MYH11: variants seen among roughly 807,000 people sequenced by gnomAD.
MYH11 encodes the protein myosin heavy chain 11, also known as myosin-11.
Under a neutral mutation model 246.6 loss-of-function variants are expected in MYH11, and 80 were observed. That is an observed-to-expected ratio of 0.32 (90% confidence interval 0.27 to 0.39). The LOEUF (loss-of-function observed/expected upper bound fraction) is 0.39, where lower values mean the gene tolerates loss of function less well. MYH11 is among the 10% of genes least tolerant of loss of function. The pLI is 1.00. For synonymous variants in MYH11, 1,071 were observed against 1,015.5 expected (o/e 1.05, Z -1.04); for missense variants, 2,158 against 2,546.8 (o/e 0.85, Z 3.29).
At chr16:15,766,269 A>T (rs540587596) in intron 9 of MYH11, among the ~76,000 whole-genome samples, 226 of 151,998 alleles carry the variant, frequency 1.5e-3, no homozygotes, top group African/African-American at 5.2e-3. Flanking sequence ...ATATAAGCCA[A>T]GTGTTGCTGG....
intron 23 of MYH11, among the ~76,000 whole-genome samples, chr16:15,739,344 A>T (rs927361421): frequency 2.6e-5 from 4 of 152,074 alleles, no homozygotes; most frequent in African/African-American, 9.7e-5. Context: ...CAGGTAATCC[A>T]CTTGCCTCAG....
chr16:15,775,949 A>G, intron 8 of MYH11, 129 bp downstream of exon 8: 1 of 785,070 alleles, frequency 1.3e-6, no homozygotes, highest in Non-Finnish European at 2.3e-6. Context: ...AACTGTTCAT[A>G]TGTCACTCAC....
chr16:15,759,617 A>G lies in MYH11; in HGVS notation c.1360T>C (p.Phe454Leu). The change falls in exon 12 of 41, where the codon TTC (phenylalanine) becomes CTC (leucine). Residue 454 changes from phenylalanine (F) to leucine (L), a missense_variant. Physicochemically the swap from Phe to Leu is conservative, Grantham distance 22 (BLOSUM62 0). Transcript: ENST00000300036. ...LDKTHRQGAS[F>L]LGILDIAGFE... ...CCAGCTATATCCAGGATCCCCAGGA[A>G]GGAAGCCCCTTGCCGATGGGTCTTG... 5 of 1,614,226 alleles carry G rather than the reference A, an allele frequency of 3.1e-6. No individual in the cohort carries two copies. Among genetic ancestry groups the G allele is most frequent in the Non-Finnish European group, 4.2e-6 (5 of 1,180,036 alleles).
chr16:15,769,316 C>CAAAA (rs748827732), intron 9 of MYH11, among the ~76,000 whole-genome samples: 14 of 152,200 alleles, frequency 9.2e-5, no homozygotes, highest in Non-Finnish European at 1.9e-4. Context: ...GCCTCCATCT[C>CAAAA]AAACAAAACA....
chr16:15,763,144 A>T lies in MYH11; in HGVS notation c.1129+652T>A, dbSNP rs149081872. Among the ~76,000 whole-genome samples, 786 of 152,284 alleles carry T rather than the reference A, an allele frequency of 5.2e-3. 7 individuals carry two copies. The highest frequency in any genetic ancestry group is 0.018 in the African/African-American group (744 of 41,550). The stretch of plus-strand genomic sequence containing the variant: ...GTTACAAGGGACATAATTAAAATTT[A>T]AAAAAAGGTTTGTTGTTTACCTAAA... On this transcript the variant is annotated intron_variant, in intron 10 of 40. Transcript: ENST00000300036.
intron 36 of MYH11, 31 bp from the exon 37 acceptor site, chr16:15,718,469 C>T (rs1199324252): frequency 5.2e-6 from 8 of 1,540,422 alleles, no homozygotes; most frequent in Non-Finnish European, 7.0e-6. Context: ...GTGGGGGCCT[C>T]TACCCTCCCC....
intron 23 of MYH11, among the ~76,000 whole-genome samples, chr16:15,739,102 T>TTC (rs2151246585): frequency 6.6e-6 from 1 of 150,964 alleles, no homozygotes; most frequent in African/African-American, 2.5e-5. Context: ...CACTGCTGTA[T>TTC]TCTTTTTTTT....
intron 4 of MYH11, 78 bp from the exon 5 acceptor site, chr16:15,786,810 T>A (rs1217935092): frequency 2.4e-6 from 3 of 1,270,464 alleles, no homozygotes; most frequent in Non-Finnish European, 3.4e-6. Flanking sequence ...GGCAGGACAA[T>A]AATGATCATC....
chr16:15,757,665 AGAG>A (rs2041763788), intron 13 of MYH11, among the ~76,000 whole-genome samples, 159 bp downstream of exon 13: 1 of 152,162 alleles, frequency 6.6e-6, no homozygotes, highest in South Asian at 2.1e-4. Context: ...GGAAATTGTA[AGAG>A]TTCACAAGGA....
At chr16:15,753,332 G>A (rs1044644722) in intron 15 of MYH11, 62 bp downstream of exon 15, 2 of 1,447,828 alleles carry the variant, frequency 1.4e-6, no homozygotes, top group Non-Finnish European at 1.9e-6. Flanking sequence ...AGAGTCGGGG[G>A]ACTTGGGTGT....
chr16:15,754,800 G>T (rs781452477), intron 14 of MYH11, among the ~76,000 whole-genome samples: 1 of 152,156 alleles, frequency 6.6e-6, no homozygotes, highest in African/African-American at 2.4e-5. Flanking sequence ...AGTAGCTGAG[G>T]TTACAGTTGT....
At chr16:15,771,811 T>C in intron 8 of MYH11, 99 bp from the exon 9 acceptor site, 2 of 1,486,844 alleles carry the variant, frequency 1.3e-6, no homozygotes, top group Non-Finnish European at 1.9e-6. Context: ...CATAATTCCT[T>C]TCCCTTTATC....
At position 15,756,452 on chromosome 16, in the gene MYH11, G is replaced by C; in HGVS notation, c.1638C>G (p.Asp546Glu). 1 of 1,614,168 alleles carries C rather than the reference G, an allele frequency of 6.2e-7. No homozygotes were observed. Among genetic ancestry groups the C allele is most frequent in the South Asian group, 1.1e-5 (1 of 91,078 alleles). ...DEECWFPKATDKSFVEKLCTE... is the reference protein window; with the variant it reads ...DEECWFPKATEKSFVEKLCTE... ...TGCACAGCTTCTCCACGAAAGACTT[G>C]TCCGTGGCTTTGGGGAACCAGCATT... The change falls in exon 14 of 41, where the codon GAC becomes GAG. Residue 546 changes from aspartate (D) to glutamate (E), a missense_variant. Physicochemically the swap from Asp to Glu is conservative, Grantham distance 45. Coordinates refer to ENST00000300036, the MANE Select transcript of MYH11 (RefSeq NM_002474.3).
At position 15,721,405 on chromosome 16, in the gene MYH11, C is replaced by T. The variant is rs377102814; in HGVS notation, c.4578+17G>A. 8.7e-6 allele frequency: 14 copies of T among 1,613,956 alleles called. 1 individual carries two copies. The highest frequency in any genetic ancestry group is 1.2e-5 in the Non-Finnish European group (14 of 1,179,928). ...CAGGCGAAACATGGACGAGAAAAAC[C>T]ACCCAGAGCCACTTACGTTCTTGCC... On this transcript the variant is annotated intron_variant, in intron 32 of 40. Transcript: ENST00000300036.
intron 22 of MYH11, among the ~76,000 whole-genome samples, chr16:15,740,779 G>C (rs1188799037): frequency 3.9e-5 from 6 of 152,086 alleles, no homozygotes; most frequent in African/African-American, 1.4e-4. Context: ...CTTGAGTGGG[G>C]GTTAGATTTG....
chr16:15,753,512 C>A lies in MYH11; in HGVS notation c.1750-4G>T. ...AGGCACTCGCATTATAGTCCACCTG[C>A]CAAGGACACCCTGCTGGTCAGAACC... On this transcript the variant is annotated splice_polypyrimidine_tract_variant and splice_region_variant and intron_variant, in intron 14 of 40. Transcript: ENST00000300036. 6.2e-7 allele frequency: 1 copy of A among 1,610,450 alleles called. No individual in the cohort carries two copies. Among genetic ancestry groups the A allele is most frequent in the South Asian group, 1.1e-5 (1 of 90,986 alleles).
chr16:15,763,665 A>G (rs1463622067), intron 10 of MYH11, 131 bp downstream of exon 10: 19 of 804,194 alleles, frequency 2.4e-5, no homozygotes, highest in Non-Finnish European at 4.1e-5. Flanking sequence ...AAAGTGAGTG[A>G]TAAGAACCTA....
At chr16:15,774,544 T>C (rs2042176414) in intron 8 of MYH11, among the ~76,000 whole-genome samples, 1 of 152,210 alleles carries the variant, frequency 6.6e-6, no homozygotes, top group Admixed American at 6.5e-5. Context: ...TTACCAAAAA[T>C]TGCTCCACCT....
rs536923758 is a variant in MYH11 at position 15,823,558 on chromosome 16, C to T, written c.346-147G>A. On this transcript the variant is annotated intron_variant, in intron 2 of 40. Transcript: ENST00000300036. ...CTGGGCCTCACTGATATTCCAGGTA[C>T]GTGGGAAGAGGAGAAAGGGCGAGAG... The T allele has an allele frequency of 8.2e-5, 85 of 1,035,162 alleles. No homozygotes were observed. In the South Asian group the frequency reaches 9.5e-4, roughly 12 times the overall value. The allele number at this position is 1,035,162 out of a possible 1,614,324, so 64.1% of individuals were successfully genotyped here. A position where few individuals can be genotyped will look rare whatever the true frequency, so the allele number is the denominator to read the frequency against.
Sources: gnomAD v4.1 joint callset for allele counts (sites outside exome capture counted in the v4.1 genomes callset) on GRCh38, gnomAD v4.1.1 for gene constraint, MANE v1.5 for transcripts, NCBI Gene and HGNC (gene_info 2026-07-23, HGNC 2026-07-21) for gene names.